PTPN20: variants seen among roughly 807,000 people sequenced by gnomAD.
The protein encoded by PTPN20 is protein tyrosine phosphatase non-receptor type 20.
PTPN20 carries 9 observed loss-of-function variants against 35.0 expected under a neutral mutation model. That is an observed-to-expected ratio of 0.26 (90% CI 0.15 to 0.45). The LOEUF (loss-of-function observed/expected upper bound fraction) is 0.45. Among genes scored for constraint, PTPN20 ranks in the 20% least tolerant of loss-of-function variants. PTPN20 has a pLI of 1.00. For synonymous variants in PTPN20, 32 were observed against 100.2 expected, an observed-to-expected ratio of 0.32 and a Z score of 4.06; for missense variants, 111 against 312.5, an observed-to-expected ratio of 0.36 and a Z score of 4.86.
At chr10:46,919,106 C>G (rs1478041955) in intron 1 of PTPN20, among the ~76,000 whole-genome samples, 1 of 149,154 alleles carries the variant, frequency 6.7e-6, no homozygotes, top group Non-Finnish European at 1.5e-5. Flanking sequence ...GGCCATTCTA[C>G]CTTCTTTTGA....
At chr10:46,992,647 G>A (rs1204171008) in intron 9 of PTPN20, among the ~76,000 whole-genome samples, 1 of 152,048 alleles carries the variant, frequency 6.6e-6, no homozygotes, top group Non-Finnish European at 1.5e-5. Context: ...AAATTCCTTG[G>A]ATTAGGTTTC....
chr10:46,920,343 G>A (rs1248272279), intron 1 of PTPN20, among the ~76,000 whole-genome samples: 1 of 93,120 alleles, frequency 1.1e-5, no homozygotes, highest in Non-Finnish European at 2.0e-5. Context: ...AAAGAATGAG[G>A]CAGGCATATC....
chr10:46,999,897 GTCATCTTAT>G lies in PTPN20; in HGVS notation c.1135-13_1135-5del. ...CCCATGTGGATCATACAAAATTACT[GTCATCTTAT>G]TACAGTTCAACATCATGGATATAGT... On this transcript the variant is annotated splice_region_variant and splice_polypyrimidine_tract_variant and intron_variant, in intron 9 of 10. Transcript: ENST00000374339. 1.2e-6 allele frequency: 2 copies of G among 1,613,482 alleles called. No homozygotes were observed. Among genetic ancestry groups the G allele is most frequent in the Non-Finnish European group, 1.7e-6 (2 of 1,179,622 alleles).
intron 8 of PTPN20, among the ~76,000 whole-genome samples, chr10:46,986,360 A>G (rs1411777446): frequency 6.8e-6 from 1 of 146,728 alleles, no homozygotes; most frequent in African/African-American, 2.7e-5. Flanking sequence ...CACAAATTTC[A>G]GTCGACACTG....
chr10:46,995,333 C>CTTTT (rs878968027), intron 9 of PTPN20, among the ~76,000 whole-genome samples: 247 of 85,630 alleles, frequency 2.9e-3, no homozygotes, highest in African/African-American at 3.7e-3. Flanking sequence ...TTTTTTTTTT[C>CTTTT]TTTTTTTTTT....
intron 1 of PTPN20, 115 bp downstream of exon 1, chr10:46,911,616 A>AAGGCGTGGGTTGT (rs1223626281): frequency 5.6e-6 from 1 of 178,276 alleles, no homozygotes; most frequent in Admixed American, 8.5e-5. Context: ...CAGGGGTCAC[A>AAGGCGTGGGTTGT]AGGCGTGGGT....
chr10:46,964,703 C>T (rs2050287938), intron 5 of PTPN20, among the ~76,000 whole-genome samples: 1 of 101,462 alleles, frequency 9.9e-6, no homozygotes, highest in Non-Finnish European at 2.0e-5. Flanking sequence ...ATACCCAATT[C>T]ACATTATAAA....
At chr10:46,983,287 C>T (rs1225277565) in intron 7 of PTPN20, among the ~76,000 whole-genome samples, 1 of 151,444 alleles carries the variant, frequency 6.6e-6, no homozygotes, top group African/African-American at 2.4e-5. Flanking sequence ...TTTCTGTGTG[C>T]TATGTTAAAA....
At chr10:46,928,483 ATTT>A (rs1555115973) in intron 1 of PTPN20, among the ~76,000 whole-genome samples, 1 of 152,094 alleles carries the variant, frequency 6.6e-6, no homozygotes, top group Non-Finnish European at 1.5e-5. Context: ...GAATCCTTTT[ATTT>A]TATTTTTCTT....
intron 9 of PTPN20, among the ~76,000 whole-genome samples, chr10:46,996,453 A>T (rs956859436): frequency 2.6e-5 from 4 of 152,190 alleles, no homozygotes; most frequent in African/African-American, 4.8e-5. Flanking sequence ...AATTATAATT[A>T]AAAAAATGCT....
chr10:46,918,355 A>AT (rs1420035081), intron 1 of PTPN20, among the ~76,000 whole-genome samples: 1 of 29,226 alleles, frequency 3.4e-5, no homozygotes, highest in Non-Finnish European at 6.0e-5. Context: ...GGTTTCATTG[A>AT]TTTTTCTCTG....
intron 9 of PTPN20, among the ~76,000 whole-genome samples, chr10:46,988,827 G>A (rs1469870321): frequency 1.3e-5 from 2 of 150,658 alleles, no homozygotes; most frequent in Admixed American, 6.6e-5. Context: ...TTACTTTTTT[G>A]GTTAAATTTA....
At position 46,932,265 on chromosome 10, in the gene PTPN20, T is replaced by G. The variant is rs2039921106; in HGVS notation, c.-123-112T>G. 7.9e-6 allele frequency: 11 copies of G among 1,398,600 alleles called. No individual in the cohort carries two copies. The East Asian group carries it at 2.3e-4, about 30-fold the overall frequency. The allele number at this position is 1,398,600 out of a possible 1,614,324, so 86.6% of individuals were successfully genotyped here. On this transcript the variant is annotated intron_variant, in intron 1 of 10. Coordinates refer to ENST00000374339, the MANE Select transcript of PTPN20 (RefSeq NM_001042357.5). ...ATTTCAAATGAAATTTATTTTGTCT[T>G]TAATTAAAATTGCAGTTTTAAATAT...
intron 7 of PTPN20, among the ~76,000 whole-genome samples, chr10:46,974,996 C>CT (rs1290618996): frequency 3.4e-5 from 2 of 58,448 alleles, no homozygotes; most frequent in East Asian, 6.8e-4. Flanking sequence ...ACCTAGAAAA[C>CT]TAATATACTG....
chr10:46,979,043 C>T (rs2054517038), intron 7 of PTPN20, among the ~76,000 whole-genome samples: 1 of 152,020 alleles, frequency 6.6e-6, no homozygotes, highest in Non-Finnish European at 1.5e-5. Context: ...CCAGTTTACA[C>T]ACAGAGAACA....
chr10:46,970,557 T>C (rs1192037585), intron 7 of PTPN20, among the ~76,000 whole-genome samples: 1 of 146,594 alleles, frequency 6.8e-6, no homozygotes, highest in Admixed American at 6.9e-5. Context: ...AATAAAGGGA[T>C]AAAAAGTGAT....
At chr10:46,998,459 A>G (rs2059528472) in intron 9 of PTPN20, among the ~76,000 whole-genome samples, 1 of 152,236 alleles carries the variant, frequency 6.6e-6, no homozygotes, top group Non-Finnish European at 1.5e-5. Flanking sequence ...GAAGGAGAAC[A>G]GATTACTATT....
intron 7 of PTPN20, among the ~76,000 whole-genome samples, chr10:46,972,244 G>A (rs2052407099): frequency 6.6e-6 from 1 of 151,184 alleles, no homozygotes; most frequent in East Asian, 1.9e-4. Flanking sequence ...TCAAGAAGAG[G>A]ACAAATAACC....
chr10:46,951,325 T>C (rs1237819194), intron 5 of PTPN20, among the ~76,000 whole-genome samples: 187 of 152,010 alleles, frequency 1.2e-3, no homozygotes, highest in Middle Eastern at 3.4e-3. Flanking sequence ...GTTTATTAAC[T>C]TCTTCTTGGA....
Sources: gnomAD v4.1 joint callset for allele counts (sites outside exome capture counted in the v4.1 genomes callset) on GRCh38, gnomAD v4.1.1 for gene constraint, MANE v1.5 for transcripts, NCBI Gene and HGNC (gene_info 2026-07-23, HGNC 2026-07-21) for gene names.